Variants in ENOX2 observed in about 807,000 individuals in gnomAD.
ENOX2 encodes the protein ecto-NOX disulfide-thiol exchanger 2.
A neutral mutation model predicts 45.0 loss-of-function variants in ENOX2; 36 were observed. The ratio of observed to expected loss-of-function variants is 0.80; its 90% CI spans 0.61 to 1.06. The LOEUF is 1.06. ENOX2 is among the 50% of genes least tolerant of loss of function. The pLI is 0.00. For missense variants in ENOX2, 423 were observed against 462.5 expected, an observed-to-expected ratio of 0.91 and a Z score of 0.78; for synonymous variants, 174 against 152.3, an observed-to-expected ratio of 1.14 and a Z score of -1.05.
At chrX:130,760,772 C>CA (rs1180176642) in intron 3 of ENOX2, among the ~76,000 whole-genome samples, 2 of 53,981 alleles carry the variant, frequency 3.7e-5, no homozygotes, top group Non-Finnish European at 6.3e-5. Context: ...GGTGACAGAG[C>CA]AAGACTCCAT....
chrX:130,845,390 T>C lies in ENOX2; in HGVS notation c.-183+56294A>G, dbSNP rs756241501. ...CCATTATCCTTGCCAACATTGAAGATGGGTTAAGCTCTTTCAGTGCAAAGA... is the reference window on the plus strand; with the variant it reads ...CCATTATCCTTGCCAACATTGAAGACGGGTTAAGCTCTTTCAGTGCAAAGA... On this transcript the variant is annotated intron_variant, in intron 2 of 14. Coordinates refer to ENST00000394363, the MANE Select transcript of ENOX2 (RefSeq NM_006375.4). 2.7e-5 allele frequency among the ~76,000 whole-genome samples: 3 copies of C among 112,663 alleles called. No homozygotes were observed. In the South Asian group the frequency reaches 1.1e-3, roughly 41 times the overall value.
intron 3 of ENOX2, among the ~76,000 whole-genome samples, chrX:130,755,456 G>A (rs2039331441): frequency 9.0e-6 from 1 of 111,026 alleles, no homozygotes; most frequent in Admixed American, 9.6e-5. Context: ...ATGTGACTTT[G>A]GTAAAGTCTG....
chrX:130,734,144 G>C (rs2038806339), intron 3 of ENOX2, among the ~76,000 whole-genome samples: 2 of 111,981 alleles, frequency 1.8e-5, no homozygotes, highest in African/African-American at 6.5e-5. Flanking sequence ...AGGAAAGCAA[G>C]GCAGAGTTTT....
intron 3 of ENOX2, among the ~76,000 whole-genome samples, chrX:130,735,653 T>C (rs1474538206): frequency 8.9e-6 from 1 of 112,213 alleles, no homozygotes; most frequent in Admixed American, 9.4e-5. Flanking sequence ...GTATGAAAAG[T>C]TGTACATACA....
chrX:130,640,298 AG>A (rs1223817460), intron 10 of ENOX2, among the ~76,000 whole-genome samples: 3 of 112,631 alleles, frequency 2.7e-5, no homozygotes, highest in African/African-American at 9.7e-5. Context: ...GTGGAGAAAA[AG>A]GAACGCTTTT....
chrX:130,798,491 T>C (rs1603352632), intron 2 of ENOX2, among the ~76,000 whole-genome samples: 1 of 111,718 alleles, frequency 9.0e-6, no homozygotes, highest in African/African-American at 3.3e-5. Flanking sequence ...GTGGTATAAG[T>C]ACGTTAGACT....
intron 13 of ENOX2, among the ~76,000 whole-genome samples, chrX:130,629,567 A>G (rs2035640050): frequency 8.9e-6 from 1 of 112,749 alleles, no homozygotes; most frequent in Admixed American, 9.3e-5. Flanking sequence ...GAGTTGGAAG[A>G]CGTTAATAAG....
chrX:130,654,059 C>T (rs1182950247), intron 10 of ENOX2, among the ~76,000 whole-genome samples: 1 of 112,132 alleles, frequency 8.9e-6, no homozygotes, highest in African/African-American at 3.2e-5. Context: ...CTGAGAACCA[C>T]TAGTCTAAGT....
chrX:130,721,911 T>C (rs919484273), intron 3 of ENOX2, among the ~76,000 whole-genome samples: 1 of 112,270 alleles, frequency 8.9e-6, no homozygotes, highest in Non-Finnish European at 1.9e-5. Flanking sequence ...GGAACTATCA[T>C]GCTATAAGAA....
At chrX:130,817,036 A>G (rs1047720636) in intron 2 of ENOX2, among the ~76,000 whole-genome samples, 1 of 112,213 alleles carries the variant, frequency 8.9e-6, no homozygotes, top group Non-Finnish European at 1.9e-5. Context: ...GCTAATAAAG[A>G]AGAAAGGAGA....
At chrX:130,648,069 T>A (rs2036289613) in intron 10 of ENOX2, among the ~76,000 whole-genome samples, 1 of 112,225 alleles carries the variant, frequency 8.9e-6, no homozygotes, top group African/African-American at 3.2e-5. Context: ...ATTAAATGTA[T>A]AAGAAAGTTA....
chrX:130,822,907 G>A (rs768698462), intron 2 of ENOX2, among the ~76,000 whole-genome samples: 1 of 112,389 alleles, frequency 8.9e-6, no homozygotes, highest in Admixed American at 9.4e-5. Flanking sequence ...GCTAGACTAA[G>A]CTGTGATGTT....
intron 2 of ENOX2, among the ~76,000 whole-genome samples, chrX:130,828,512 G>A (rs998307981): frequency 1.8e-5 from 2 of 111,749 alleles, no homozygotes; most frequent in Non-Finnish European, 3.8e-5. Flanking sequence ...AATACCATAC[G>A]GAAAGTAACA....
rs925770442 is a variant in ENOX2 at position 130,623,244 on chromosome X, AACAGAAACAG to A, written c.*2060_*2069del. ...ATACCTATACTAAACTGGCAGGAGT[AACAGAAACAG>A]ACAATCTGCAATGTAAGTTGATTAA... On this transcript the variant is annotated 3_prime_UTR_variant, in exon 15 of 15. Coordinates refer to ENST00000394363, the MANE Select transcript of ENOX2 (RefSeq NM_006375.4). 1.8e-5 allele frequency: 2 copies of A among 111,998 alleles called. No individual in the cohort carries two copies. Among genetic ancestry groups the A allele is most frequent in the Non-Finnish European group, 3.8e-5 (2 of 53,237 alleles). The allele number at this position is 111,998 out of a possible 1,213,427, so 9.2% of individuals were successfully genotyped here. A position where few individuals can be genotyped will look rare whatever the true frequency, so the allele number is the denominator to read the frequency against.
intron 10 of ENOX2, among the ~76,000 whole-genome samples, chrX:130,638,951 C>T (rs915499094): frequency 1.8e-5 from 2 of 111,415 alleles, no homozygotes; most frequent in Admixed American, 1.9e-4. Context: ...CACGCCACTA[C>T]ACTCCAGCCT....
intron 2 of ENOX2, among the ~76,000 whole-genome samples, chrX:130,793,948 A>G (rs183021849): frequency 8.9e-6 from 1 of 112,375 alleles, no homozygotes; most frequent in African/African-American, 3.2e-5. Context: ...TTTTCCTTAG[A>G]ATAAAGTCTG....
intron 2 of ENOX2, among the ~76,000 whole-genome samples, chrX:130,862,655 A>T (rs189044555): frequency 1.1e-4 from 12 of 111,140 alleles, no homozygotes; most frequent in Non-Finnish European, 1.9e-4. Flanking sequence ...TAGGAAAGGG[A>T]TGTTTTTTGT....
At chrX:130,872,585 A>C (rs371039143) in intron 2 of ENOX2, among the ~76,000 whole-genome samples, 10 of 111,854 alleles carry the variant, frequency 8.9e-5, no homozygotes, top group African/African-American at 3.2e-4. Context: ...AGGAAGCAAG[A>C]AAGACAATCC....
At chrX:130,826,815 TG>T (rs1204732824) in intron 2 of ENOX2, among the ~76,000 whole-genome samples, 1 of 111,868 alleles carries the variant, frequency 8.9e-6, no homozygotes, top group Non-Finnish European at 1.9e-5. Flanking sequence ...TAAAAATAAA[TG>T]GTCATTATTC....
Sources: allele counts gnomAD v4.1 joint callset (sites outside exome capture counted in the v4.1 genomes callset), GRCh38; gene constraint gnomAD v4.1.1; transcripts MANE v1.5; gene names NCBI Gene and HGNC (gene_info 2026-07-23, HGNC 2026-07-21).